Variants in CPED1 observed in about 807,000 individuals in gnomAD.
CPED1 encodes cadherin-like and PC-esterase domain-containing protein 1.
Under a neutral mutation model 128.2 loss-of-function variants are expected in CPED1, and 114 were observed. That is an observed-to-expected ratio of 0.89 (90% CI 0.76 to 1.04). CPED1 has a LOEUF of 1.04. CPED1 is among the 50% of genes least tolerant of loss of function. The pLI, the probability that CPED1 is intolerant of heterozygous loss-of-function variation, is 0.00. For synonymous variants in CPED1, 462 were observed against 426.7 expected, an observed-to-expected ratio of 1.08 and a Z score of -1.02; for missense variants, 1,211 against 1,207.1, an observed-to-expected ratio of 1.00 and a Z score of -0.05.
chr7:121,154,839 C>G (rs377240190), intron 16 of CPED1, among the ~76,000 whole-genome samples: 1 of 152,164 alleles, frequency 6.6e-6, no homozygotes. Flanking sequence ...CCACCGCGCC[C>G]GGCCTAGAGA....
chr7:121,200,319 G>A (rs971040800), intron 16 of CPED1, among the ~76,000 whole-genome samples: 40 of 152,044 alleles, frequency 2.6e-4, no homozygotes, highest in Admixed American at 6.6e-4. Flanking sequence ...CTCTCTGCTG[G>A]TGAAAACCTC....
chr7:121,214,628 G>T (rs1238777183), intron 16 of CPED1, among the ~76,000 whole-genome samples: 1 of 151,886 alleles, frequency 6.6e-6, no homozygotes, highest in Non-Finnish European at 1.5e-5. Context: ...TTATAAACAT[G>T]TATAAAAATG....
intron 18 of CPED1, among the ~76,000 whole-genome samples, chr7:121,264,289 T>A (rs1452920209): frequency 2.6e-5 from 4 of 152,102 alleles, no homozygotes; most frequent in Non-Finnish European, 4.4e-5. Flanking sequence ...GCATAACTGC[T>A]GATATCTAAA....
Position 121,098,773 on chromosome 7 carries a change from TATATATAAAAATATATAA to T in CPED1, c.749+944_749+961del, listed in dbSNP as rs1794764189. ...ATATATAAAAATATATATAAATATATATATATAAAAATATATAAAAATATATATAAATATATAAATAAT... is the reference window on the plus strand; with the variant it reads ...ATATATAAAAATATATATAAATATATAAATATATATAAATATATAAATAAT... On this transcript the variant is annotated intron_variant, in intron 6 of 22. Transcript: ENST00000310396. Among the ~76,000 whole-genome samples the T allele has an allele frequency of 3.1e-4, 37 of 119,090 alleles. 4 individuals carry two copies. In the South Asian group the frequency reaches 9.3e-3, roughly 30 times the overall value. The allele number at this position is 119,090 out of a possible 152,430, so 78.1% of individuals were successfully genotyped here.
At chr7:121,008,395 A>G (rs1251139615) in intron 2 of CPED1, among the ~76,000 whole-genome samples, 1 of 152,154 alleles carries the variant, frequency 6.6e-6, no homozygotes, top group Non-Finnish European at 1.5e-5. Flanking sequence ...ATCTGACGCT[A>G]TTTGCCACTC....
chr7:121,067,815 G>A (rs1403778812), intron 5 of CPED1, among the ~76,000 whole-genome samples: 5 of 152,150 alleles, frequency 3.3e-5, no homozygotes, highest in Non-Finnish European at 5.9e-5. Flanking sequence ...TCTAACTGGT[G>A]TGAGATGGTA....
At chr7:121,278,082 A>G (rs1367782162) in intron 22 of CPED1, among the ~76,000 whole-genome samples, 1 of 152,172 alleles carries the variant, frequency 6.6e-6, no homozygotes, top group Non-Finnish European at 1.5e-5. Flanking sequence ...TGTCGGGGCA[A>G]GAATTAGACT....
At chr7:121,092,481 G>GA (rs888927056) in intron 5 of CPED1, among the ~76,000 whole-genome samples, 10 of 151,570 alleles carry the variant, frequency 6.6e-5, no homozygotes, top group Middle Eastern at 3.4e-3. Flanking sequence ...ATTCAGTGGA[G>GA]AAAAAAAAAT....
intron 5 of CPED1, among the ~76,000 whole-genome samples, chr7:121,071,854 G>C (rs1200364589): frequency 2.6e-5 from 4 of 152,068 alleles, no homozygotes; most frequent in Non-Finnish European, 5.9e-5. Flanking sequence ...TTCAGCTTCA[G>C]CTTCAGCCTC....
chr7:121,056,128 T>G (rs556222717), intron 4 of CPED1, among the ~76,000 whole-genome samples: 65 of 152,192 alleles, frequency 4.3e-4, no homozygotes, highest in African/African-American at 1.5e-3. Flanking sequence ...AGAAAACAGT[T>G]TATATGTTCC....
chr7:121,011,528 T>C (rs139281239), intron 2 of CPED1, among the ~76,000 whole-genome samples: 77 of 152,304 alleles, frequency 5.1e-4, no homozygotes, highest in Non-Finnish European at 9.0e-4. Flanking sequence ...AAGGAAAAGA[T>C]GTTTGTATTC....
chr7:121,092,912 G>A (rs951988809), intron 5 of CPED1, among the ~76,000 whole-genome samples: 11 of 151,934 alleles, frequency 7.2e-5, no homozygotes, highest in African/African-American at 2.7e-4. Context: ...TTGTATCTAG[G>A]GTCACAGAGA....
At chr7:121,025,517 C>A (rs1344605803) in intron 3 of CPED1, among the ~76,000 whole-genome samples, 2 of 152,020 alleles carry the variant, frequency 1.3e-5, no homozygotes, top group African/African-American at 4.8e-5. Flanking sequence ...TTTCTTTTTT[C>A]TTACTCTAGC....
chr7:121,078,287 C>T (rs571109551), intron 5 of CPED1, among the ~76,000 whole-genome samples: 1 of 152,232 alleles, frequency 6.6e-6, no homozygotes, highest in South Asian at 2.1e-4. Context: ...TTGTGATCCA[C>T]CCTCCTTGGC....
intron 2 of CPED1, among the ~76,000 whole-genome samples, chr7:121,014,904 GA>G (rs1231036062): frequency 2.0e-5 from 3 of 152,092 alleles, no homozygotes; most frequent in Non-Finnish European, 4.4e-5. Context: ...CAAGTTTTCA[GA>G]AAAAACTGAG....
chr7:120,993,859 C>T (rs1305001899), intron 2 of CPED1: 3 of 201,506 alleles, frequency 1.5e-5, no homozygotes, highest in African/African-American at 7.1e-5. Context: ...GATCTCCTCT[C>T]CTGCCTTTTG....
intron 16 of CPED1, among the ~76,000 whole-genome samples, chr7:121,222,704 T>C (rs536070771): frequency 6.6e-6 from 1 of 152,342 alleles, no homozygotes; most frequent in Admixed American, 6.5e-5. Context: ...ACTTATTTTA[T>C]TCTTTTTGTA....
intron 8 of CPED1, 138 bp from the exon 9 acceptor site, chr7:121,125,682 G>A (rs1351148362): frequency 1.5e-6 from 1 of 651,698 alleles, no homozygotes; most frequent in African/African-American, 1.8e-5. Flanking sequence ...TGGTGTGTAT[G>A]TGCCACATTT....
chr7:121,088,680 A>G (rs988145207), intron 5 of CPED1, among the ~76,000 whole-genome samples: 1 of 146,228 alleles, frequency 6.8e-6, no homozygotes, highest in African/African-American at 2.5e-5. Context: ...AAAAGTAGTC[A>G]TTTGAATGTA....
Sources: allele counts gnomAD v4.1 joint callset (sites outside exome capture counted in the v4.1 genomes callset), GRCh38; gene constraint gnomAD v4.1.1; transcripts MANE v1.5; gene names NCBI Gene and HGNC (gene_info 2026-07-23, HGNC 2026-07-21).